LCOR: variants seen among roughly 807,000 people sequenced by gnomAD.
LCOR encodes ligand-dependent corepressor.
A neutral mutation model predicts 64.4 loss-of-function variants in LCOR; 14 were observed. That is an observed-to-expected ratio of 0.22 (90% CI 0.14 to 0.34). LCOR has a LOEUF of 0.34. Among genes scored for constraint, LCOR ranks in the 10% least tolerant of loss-of-function variants. LCOR has a pLI of 1.00. For missense variants in LCOR, 1,686 were observed against 1,765.3 expected (o/e 0.96, Z 0.80); for synonymous variants, 643 against 642.5 (o/e 1.00, Z -0.01).
At chr10:96,837,781 A>G (rs1053300041) in intron 2 of LCOR, among the ~76,000 whole-genome samples, 1 of 152,200 alleles carries the variant, frequency 6.6e-6, no homozygotes, top group African/African-American at 2.4e-5. Context: ...GTATATGTTA[A>G]ATAATGGGAT....
chr10:96,952,260 A>G (rs1051094133), intron 7 of LCOR, 64 bp downstream of exon 7: 7 of 1,085,986 alleles, frequency 6.4e-6, no homozygotes, highest in Admixed American at 3.9e-5. Context: ...GGTTGATGCC[A>G]GTCTCCCTTT....
rs750049126 is a variant in LCOR at position 96,982,448 on chromosome 10, G to T, written c.1988G>T (p.Ser663Ile). The stretch of plus-strand genomic sequence containing the variant: ...GCACTGTTGGATACGGAGGAGATGA[G>T]TGTACCCCAGGACTGTCACCTCCTT... The part of the protein sequence containing the change: ...PVALLDTEEM[S>I]VPQDCHLLPS... Residue 663 changes from serine (S) to isoleucine (I), a missense_variant, in exon 8 of 8, where the codon AGT becomes ATT. Physicochemically the swap from Ser to Ile is moderately radical, Grantham distance 142 (BLOSUM62 -2). Transcript: ENST00000421806. 1 of 1,614,206 alleles carries T rather than the reference G, an allele frequency of 6.2e-7. No individual in the cohort carries two copies. The highest frequency in any genetic ancestry group is 2.2e-5 in the East Asian group (1 of 44,888).
At chr10:96,888,634 A>G (rs1371336610) in intron 2 of LCOR, among the ~76,000 whole-genome samples, 1 of 152,162 alleles carries the variant, frequency 6.6e-6, no homozygotes, top group South Asian at 2.1e-4. Flanking sequence ...GTCAAGTGCA[A>G]AATAGACTGA....
chr10:96,935,850 C>G (rs1188426556), intron 4 of LCOR, among the ~76,000 whole-genome samples: 1 of 152,066 alleles, frequency 6.6e-6, no homozygotes, highest in Non-Finnish European at 1.5e-5. Flanking sequence ...AAACAAACAA[C>G]AACGACAAAA....
At position 96,991,015 on chromosome 10, in the gene LCOR, G is replaced by C. The variant is rs1358111766; in HGVS notation, c.*5881G>C. The C allele has an allele frequency of 7.0e-6, 1 of 143,702 alleles. No homozygotes were observed. The highest frequency in any genetic ancestry group is 1.5e-5 in the Non-Finnish European group (1 of 66,592). The allele number at this position is 143,702 out of a possible 1,614,324, so 8.9% of individuals were successfully genotyped here. A position where few individuals can be genotyped will look rare whatever the true frequency, so the allele number is the denominator to read the frequency against. ...ATGGATTTTTTACCCTTTTTTAAAGGGTTATGTAAAAAAAAAAAAAAAAAA... is the reference window on the plus strand; with the variant it reads ...ATGGATTTTTTACCCTTTTTTAAAGCGTTATGTAAAAAAAAAAAAAAAAAA... On this transcript the variant is annotated 3_prime_UTR_variant, in exon 8 of 8. Coordinates refer to ENST00000421806, the MANE Select transcript of LCOR (RefSeq NM_001346516.2).
chr10:96,983,475 G>C lies in LCOR; in HGVS notation c.3015G>C (p.Glu1005Asp), dbSNP rs1403945118. 2 of 1,614,138 alleles carry C rather than the reference G, an allele frequency of 1.2e-6. No individual in the cohort carries two copies. The highest frequency in any genetic ancestry group is 1.7e-6 in the Non-Finnish European group (2 of 1,180,024). ...AAAACACCCAGCAGAAAGATGATGA[G>C]AGTGATGCCCCATGCAGCTCTCTTG... ...DNENTQQKDD[E>D]SDAPCSSLGL... Residue 1005 changes from glutamate to aspartate, a missense_variant, in exon 8 of 8, where the codon GAG becomes GAC. By Grantham distance (45) the Glu-to-Asp change is conservative. Transcript: ENST00000421806. The surrounding 1 kb of genome is among the most constrained non-coding windows in gnomAD (Gnocchi z 4.5).
At position 96,977,451 on chromosome 10, in the gene LCOR, T is replaced by C. The variant is rs573894986; in HGVS notation, c.333-3342T>C. Among the ~76,000 whole-genome samples, 197 of 152,330 alleles carry C rather than the reference T, an allele frequency of 1.3e-3. 5 individuals carry two copies. The South Asian group carries it at 0.039, about 30-fold the overall frequency. On this transcript the variant is annotated intron_variant, in intron 7 of 7. Coordinates refer to ENST00000421806, the MANE Select transcript of LCOR (RefSeq NM_001346516.2). Reference sequence around the variant, plus strand: ...AGTATAATAAAAATAATAGCCAGACTTCAGTAATAGTCCATATGGTAATGA... The same window carrying C: ...AGTATAATAAAAATAATAGCCAGACCTCAGTAATAGTCCATATGGTAATGA...
At chr10:96,978,335 G>T (rs910920996) in intron 7 of LCOR, among the ~76,000 whole-genome samples, 3 of 152,234 alleles carry the variant, frequency 2.0e-5, no homozygotes, top group African/African-American at 7.2e-5. Context: ...TGCAAAGCAG[G>T]AGGAGCTTAT....
intron 2 of LCOR, among the ~76,000 whole-genome samples, chr10:96,881,968 GTCT>G (rs1268380831): frequency 2.6e-5 from 4 of 152,128 alleles, no homozygotes; most frequent in East Asian, 3.8e-4. Context: ...TACTGGCTCT[GTCT>G]TCTTCTAGCT....
chr10:96,990,735 C>G lies in LCOR; in HGVS notation c.*5601C>G, dbSNP rs1315459497. The G allele has an allele frequency of 2.6e-5, 4 of 152,340 alleles. No individual in the cohort carries two copies. The highest frequency in any genetic ancestry group is 5.9e-5 in the Non-Finnish European group (4 of 68,212). The allele number at this position is 152,340 out of a possible 1,614,324, so 9.4% of individuals were successfully genotyped here. The stretch of plus-strand genomic sequence containing the variant: ...CTGCTCAGTTCCTTCCACTTACCTC[C>G]TCTCTGTCTGATCTTCCTTTTCCCA... On this transcript the variant is annotated 3_prime_UTR_variant, in exon 8 of 8. Coordinates refer to ENST00000421806, the MANE Select transcript of LCOR (RefSeq NM_001346516.2).
At chr10:96,900,802 A>G (rs1197709510) in intron 2 of LCOR, among the ~76,000 whole-genome samples, 2 of 151,968 alleles carry the variant, frequency 1.3e-5, no homozygotes, top group Non-Finnish European at 2.9e-5. Flanking sequence ...TCTTTTATCA[A>G]TATTCATAAG....
intron 2 of LCOR, among the ~76,000 whole-genome samples, chr10:96,868,222 A>G (rs1846009907): frequency 6.7e-6 from 1 of 150,178 alleles, no homozygotes; most frequent in African/African-American, 2.5e-5. Context: ...TCCTAATAAT[A>G]TTGAGTTTTC....
chr10:96,892,690 G>C (rs777002166), intron 2 of LCOR, among the ~76,000 whole-genome samples: 1 of 152,052 alleles, frequency 6.6e-6, no homozygotes. Flanking sequence ...GAATTTTTGG[G>C]GGGACTCCAA....
intron 2 of LCOR, among the ~76,000 whole-genome samples, chr10:96,885,795 A>C (rs890482645): frequency 6.6e-6 from 1 of 151,962 alleles, no homozygotes; most frequent in Non-Finnish European, 1.5e-5. Context: ...GGTTTTACTT[A>C]AAGTTCTAAT....
chr10:96,904,424 C>T (rs528733684), intron 2 of LCOR, among the ~76,000 whole-genome samples: 4 of 152,100 alleles, frequency 2.6e-5, no homozygotes, highest in South Asian at 4.2e-4. Context: ...TTTTGATTGC[C>T]GAATTTGGAA....
intron 2 of LCOR, among the ~76,000 whole-genome samples, chr10:96,904,643 T>C (rs1846697206): frequency 1.3e-5 from 2 of 152,230 alleles, no homozygotes; most frequent in African/African-American, 4.8e-5. Context: ...ATATGTGATA[T>C]GTAAAGGTAG....
intron 4 of LCOR, among the ~76,000 whole-genome samples, chr10:96,940,040 C>G (rs1847422198): frequency 6.6e-6 from 1 of 152,194 alleles, no homozygotes; most frequent in Non-Finnish European, 1.5e-5. Context: ...TGAAAAGATG[C>G]TCAACATCAT....
chr10:96,887,281 A>G (rs1029215974), intron 2 of LCOR, among the ~76,000 whole-genome samples: 2 of 152,046 alleles, frequency 1.3e-5, no homozygotes. Context: ...AAAATATACT[A>G]CTTTGGCCGG....
At chr10:96,877,657 G>A (rs1040937637) in intron 2 of LCOR, among the ~76,000 whole-genome samples, 3 of 111,726 alleles carry the variant, frequency 2.7e-5, no homozygotes, top group South Asian at 3.2e-4. Context: ...TGTCACCCAC[G>A]CTGGAGTGCA....
Sources: gnomAD v4.1 joint callset for allele counts (sites outside exome capture counted in the v4.1 genomes callset) on GRCh38, gnomAD v4.1.1 for gene constraint, Gnocchi (gnomAD v3.1) non-coding constraint, MANE v1.5 for transcripts, NCBI Gene and HGNC (gene_info 2026-07-23, HGNC 2026-07-21) for gene names.